The following GANC variants were observed in gnomAD, a reference collection of about 807,000 sequenced individuals.
The protein encoded by GANC is neutral alpha-glucosidase C.
In GANC, 117 loss-of-function variants were observed where a neutral mutation model predicts 124.2. That is an observed-to-expected ratio of 0.94 (90% CI 0.81 to 1.10). GANC has a LOEUF of 1.10. Among genes scored for constraint, GANC ranks in the 50% least tolerant of loss-of-function variants. The pLI, the probability that GANC is intolerant of heterozygous loss-of-function variation, is 0.00. For missense variants in GANC, 1,140 were observed against 1,095.0 expected, an observed-to-expected ratio of 1.04 and a Z score of -0.58; for synonymous variants, 377 against 376.8, an observed-to-expected ratio of 1.00 and a Z score of -0.01.
At position 42,351,423 on chromosome 15, in the gene GANC, C is replaced by T; in HGVS notation, c.2626C>T (p.His876Tyr). Residue 876 changes from histidine (H) to tyrosine (Y), a missense_variant, in exon 23 of 24, where the codon CAC becomes TAC. His to Tyr is a moderately conservative substitution (Grantham distance 83). Transcript: ENST00000318010. ...GAAGGAGCCATCTTCTGTGACTACC[C>T]ACTCATCTGGTGAGAAAGCAGTCCA... The part of the protein sequence containing the change: ...FRKEPSSVTT[H>Y]SSDGKDQPVA... 1.2e-6 allele frequency: 2 copies of T among 1,610,488 alleles called. No individual in the cohort carries two copies. The highest frequency in any genetic ancestry group is 1.3e-5 in the African/African-American group (1 of 74,976).
chr15:42,284,096 C>A, intron 3 of GANC: 1 of 658,784 alleles, frequency 1.5e-6, no homozygotes, highest in Non-Finnish European at 2.8e-6. Flanking sequence ...GTTAACAGTT[C>A]TTTACATAAC....
intron 22 of GANC, among the ~76,000 whole-genome samples, chr15:42,349,901 AG>A (rs1338514140): frequency 3.3e-5 from 5 of 151,506 alleles, no homozygotes; most frequent in African/African-American, 1.2e-4. Context: ...CACCCACCTC[AG>A]CCTCCCAAAG....
chr15:42,346,387 C>T (rs1009640847), intron 20 of GANC, among the ~76,000 whole-genome samples: 5 of 152,090 alleles, frequency 3.3e-5, no homozygotes, highest in Non-Finnish European at 7.4e-5. Context: ...TGACTGTAAA[C>T]TGGTCCAGGG....
Position 42,310,451 on chromosome 15 carries a change from G to A in GANC, c.891G>A (p.Glu297=). The A allele has an allele frequency of 6.2e-7, 1 of 1,603,784 alleles. No individual in the cohort carries two copies. Among genetic ancestry groups the A allele is most frequent in the East Asian group, 2.2e-5 (1 of 44,660 alleles). Residue 297 remains glutamate (E), a synonymous_variant, in exon 9 of 24, where the codon GAG becomes GAA. Coordinates refer to ENST00000318010, the MANE Select transcript of GANC (RefSeq NM_198141.3). ...AAACACTGGTGGAGATCAATACAGA[G>A]CCTGCAGTAGAGGTGAGCTATTTAT... ...ASETLVEINT[E]PAVEYTLTQM...
rs1379716609 is a variant in GANC at position 42,339,716 on chromosome 15, C to T, written c.1891C>T (p.Arg631Cys). 5.0e-6 allele frequency: 8 copies of T among 1,614,020 alleles called. No homozygotes were observed. The highest frequency in any genetic ancestry group is 2.2e-5 in the East Asian group (1 of 44,892). ...GAATCCAGAGACAGAGCTGCTAGTG[C>T]GTTGGTACCAGGCTGGAGCCTACCA... ...IGNPETELLV[R>C]WYQAGAYQPF... The change falls in exon 17 of 24, where the codon CGT becomes TGT. Residue 631 changes from arginine (R) to cysteine (C), a missense_variant. By Grantham distance (180) the Arg-to-Cys change is radical. Transcript: ENST00000318010.
At chr15:42,310,598 A>G (rs1182986239) in intron 9 of GANC, 95 bp from the exon 10 acceptor site, 5 of 1,495,402 alleles carry the variant, frequency 3.3e-6, no homozygotes, top group African/African-American at 1.4e-5. Context: ...GAATATCAGT[A>G]GTATCTACTA....
intron 5 of GANC, among the ~76,000 whole-genome samples, chr15:42,293,129 T>C (rs2051857658): frequency 6.6e-6 from 1 of 152,250 alleles, no homozygotes; most frequent in Non-Finnish European, 1.5e-5. Context: ...GTTACACTCT[T>C]AACATGTCCT....
At chr15:42,316,823 G>T (rs1347895374) in intron 10 of GANC, among the ~76,000 whole-genome samples, 1 of 152,170 alleles carries the variant, frequency 6.6e-6, no homozygotes, top group South Asian at 2.1e-4. Context: ...CTTGACCAAG[G>T]AGCCCTCAAG....
intron 19 of GANC, among the ~76,000 whole-genome samples, chr15:42,345,086 C>T (rs78876139): frequency 0.097 from 14,741 of 152,094 alleles, 833 homozygotes; most frequent in South Asian, 0.18. Context: ...AAGATGTTTG[C>T]TTTCATTCTG....
chr15:42,287,706 G>A lies in GANC; in HGVS notation c.217G>A (p.Glu73Lys), dbSNP rs1455988300. 6.2e-7 allele frequency: 1 copy of A among 1,611,436 alleles called. No individual in the cohort carries two copies. Among genetic ancestry groups the A allele is most frequent in the Non-Finnish European group, 8.5e-7 (1 of 1,179,060 alleles). The change falls in exon 4 of 24, where the codon GAA becomes AAA. Residue 73 changes from glutamate (E) to lysine (K), a missense_variant. Coordinates refer to ENST00000318010, the MANE Select transcript of GANC (RefSeq NM_198141.3). ...CTGTTTCCAGGTTCCTCTCCTGGCTGAAATTTATGGTATAGAAGGAAACAT... is the reference window on the plus strand; with the variant it reads ...CTGTTTCCAGGTTCCTCTCCTGGCTAAAATTTATGGTATAGAAGGAAACAT... ...NEASKVPLLAEIYGIEGNIFR... is the reference protein window; with the variant it reads ...NEASKVPLLAKIYGIEGNIFR...
In GANC at chr15:42,327,345, A is replaced by G. The variant is rs750544791; in HGVS notation, c.1421-18A>G. 18 of 1,593,896 alleles carry G rather than the reference A, an allele frequency of 1.1e-5. No individual in the cohort carries two copies. In the Admixed American group the frequency reaches 1.7e-4, roughly 15 times the overall value. Reference sequence around the variant, plus strand: ...GACCACTGTTCTTGACAGGCTATCTACTGTTCTGCCTCCACAGGTCTCTCC... The same window carrying G: ...GACCACTGTTCTTGACAGGCTATCTGCTGTTCTGCCTCCACAGGTCTCTCC... On this transcript the variant is annotated intron_variant, in intron 12 of 23. Coordinates refer to ENST00000318010, the MANE Select transcript of GANC (RefSeq NM_198141.3).
chr15:42,311,694 G>A (rs2052051217), intron 10 of GANC, among the ~76,000 whole-genome samples: 1 of 152,036 alleles, frequency 6.6e-6, no homozygotes, highest in Non-Finnish European at 1.5e-5. Flanking sequence ...TAAACAACCA[G>A]ATCTTGTGAG....
At chr15:42,297,189 A>G (rs921350626) in intron 5 of GANC, among the ~76,000 whole-genome samples, 1 of 152,044 alleles carries the variant, frequency 6.6e-6, no homozygotes, top group Non-Finnish European at 1.5e-5. Flanking sequence ...AAATATTATG[A>G]GCATGTTTAA....
chr15:42,303,925 T>C (rs996916543), intron 6 of GANC, among the ~76,000 whole-genome samples: 5 of 152,088 alleles, frequency 3.3e-5, no homozygotes, highest in Admixed American at 2.0e-4. Flanking sequence ...AACACCCCAT[T>C]GTCAATATTA....
intron 3 of GANC, among the ~76,000 whole-genome samples, chr15:42,282,597 G>GCCTGCC (rs1316837392): frequency 6.6e-6 from 1 of 152,148 alleles, no homozygotes; most frequent in African/African-American, 2.4e-5. Flanking sequence ...CTTGGTGCCT[G>GCCTGCC]CCTGCCCCTA....
intron 14 of GANC, 165 bp downstream of exon 14, chr15:42,329,614 A>G (rs527689072): frequency 5.6e-4 from 269 of 480,540 alleles, no homozygotes; most frequent in African/African-American, 5.0e-3. Context: ...AAGACTTTTT[A>G]TTATTTCTCC....
chr15:42,303,281 A>T (rs1400843193), intron 6 of GANC, among the ~76,000 whole-genome samples: 1 of 152,182 alleles, frequency 6.6e-6, no homozygotes, highest in African/African-American at 2.4e-5. Context: ...GGAGAAAGAA[A>T]ATCCTTTACA....
chr15:42,329,230 A>G, intron 13 of GANC, 76 bp from the exon 14 acceptor site: 2 of 1,417,600 alleles, frequency 1.4e-6, no homozygotes, highest in Non-Finnish European at 1.9e-6. Flanking sequence ...AATTTTTAAA[A>G]TGAGGTAGCA....
intron 7 of GANC, 67 bp downstream of exon 7, chr15:42,306,679 A>G: frequency 8.9e-7 from 1 of 1,120,752 alleles, no homozygotes; most frequent in South Asian, 1.6e-5. Flanking sequence ...TTCTATCAAA[A>G]AGCCCCTTGA....
Sources: gnomAD v4.1 joint callset for allele counts (sites outside exome capture counted in the v4.1 genomes callset) on GRCh38, gnomAD v4.1.1 for gene constraint, MANE v1.5 for transcripts, NCBI Gene and HGNC (gene_info 2026-07-23, HGNC 2026-07-21) for gene names.